DNAH6: variants seen among roughly 807,000 people sequenced by gnomAD.
DNAH6 encodes the protein axonemal beta dynein heavy chain 6.
A neutral mutation model predicts 491.4 loss-of-function variants in DNAH6; 340 were observed. That is an observed-to-expected ratio of 0.69 (90% CI 0.63 to 0.76). The LOEUF (loss-of-function observed/expected upper bound fraction) is 0.76. Ranked by LOEUF, DNAH6 falls within the 30% of genes least tolerant of loss-of-function variation. DNAH6 has a pLI of 0.00. For synonymous variants in DNAH6, 1,603 were observed against 1,686.1 expected, an observed-to-expected ratio of 0.95 and a Z score of 1.21; for missense variants, 4,443 against 4,972.2, an observed-to-expected ratio of 0.89 and a Z score of 3.20.
At chr2:84,631,195 A>T (rs1419525326) in intron 29 of DNAH6, among the ~76,000 whole-genome samples, 1 of 152,208 alleles carries the variant, frequency 6.6e-6, no homozygotes, top group Non-Finnish European at 1.5e-5. Flanking sequence ...CGATGCATCC[A>T]TTATGGAATG....
chr2:84,567,044 A>T lies in DNAH6; in HGVS notation c.1804-6423A>T, dbSNP rs538024899. Among the ~76,000 whole-genome samples the T allele has an allele frequency of 1.3e-4, 20 of 152,250 alleles. No homozygotes were observed. In the South Asian group the frequency reaches 3.7e-3, roughly 28 times the overall value. On this transcript the variant is annotated intron_variant, in intron 11 of 76. Transcript: ENST00000389394. The stretch of plus-strand genomic sequence containing the variant: ...GGACAAATTATTTTATGATTTGTTC[A>T]TAAAAAGGGTTATCTAACTATGACT...
chr2:84,626,897 C>T (rs772947180), intron 29 of DNAH6, among the ~76,000 whole-genome samples: 9 of 152,300 alleles, frequency 5.9e-5, no homozygotes, highest in Non-Finnish European at 1.0e-4. Context: ...TGAGCCACCG[C>T]GCCCGGCCAG....
At chr2:84,775,515 T>C (rs891555347) in intron 64 of DNAH6, among the ~76,000 whole-genome samples, 1 of 152,204 alleles carries the variant, frequency 6.6e-6, no homozygotes, top group South Asian at 2.1e-4. Flanking sequence ...AGGATGATGC[T>C]GACTTCACAG....
intron 4 of DNAH6, among the ~76,000 whole-genome samples, chr2:84,531,234 G>A (rs926212102): frequency 3.3e-5 from 5 of 152,094 alleles, no homozygotes; most frequent in African/African-American, 1.2e-4. Context: ...GGGTCACTTT[G>A]AATAGAATGG....
chr2:84,703,502 A>C lies in DNAH6; in HGVS notation c.8169A>C (p.Lys2723Asn). The C allele has an allele frequency of 6.4e-7, 1 of 1,551,616 alleles. No homozygotes were observed. Among genetic ancestry groups the C allele is most frequent in the African/African-American group, 1.4e-5 (1 of 73,174 alleles). Residue 2723 changes from lysine (K) to asparagine (N), a missense_variant, in exon 50 of 77, where the codon AAA (lysine) becomes AAC (asparagine). Transcript: ENST00000389394. ...CTTTAGAGCCTGTACTTTTAGCAAA[A>C]TCAGAAGATGTTGAAGCCCTGATGG... is the stretch of plus-strand genomic sequence containing the variant. ...LSALEPVLLA[K>N]SEDVEALMEK...
intron 2 of DNAH6, among the ~76,000 whole-genome samples, chr2:84,522,305 A>C (rs1333346959): frequency 2.6e-5 from 4 of 151,934 alleles, no homozygotes; most frequent in Non-Finnish European, 5.9e-5. Context: ...GAATGCTAGT[A>C]ATTTTGGTAC....
chr2:84,698,697 AG>A (rs1045169489), intron 47 of DNAH6, among the ~76,000 whole-genome samples: 39 of 152,370 alleles, frequency 2.6e-4, no homozygotes, highest in African/African-American at 9.4e-4. Flanking sequence ...ATATACCCAA[AG>A]GAAAATAAAT....
At chr2:84,732,748 C>T (rs893534048) in intron 61 of DNAH6, among the ~76,000 whole-genome samples, 5 of 152,186 alleles carry the variant, frequency 3.3e-5, no homozygotes, top group African/African-American at 4.8e-5. Context: ...AGATTATATA[C>T]TTCAAATGAA....
At chr2:84,524,656 G>A (rs563990034) in intron 2 of DNAH6, among the ~76,000 whole-genome samples, 1 of 152,092 alleles carries the variant, frequency 6.6e-6, no homozygotes, top group East Asian at 1.9e-4. Context: ...CTCAACATCT[G>A]CATATTTGTT....
Position 84,814,134 on chromosome 2 carries a change from C to G in DNAH6, c.12150+12C>G, listed in dbSNP as rs1234039768. ...CCATGGACATGGAGGTATTGTCCAC[C>G]TGGCTGTTATGGCAAAGCAGCTTCT... is the stretch of plus-strand genomic sequence containing the variant. On this transcript the variant is annotated intron_variant, in intron 75 of 76. Transcript: ENST00000389394. The G allele has an allele frequency of 6.5e-7, 1 of 1,549,694 alleles. No individual in the cohort carries two copies.
intron 33 of DNAH6, among the ~76,000 whole-genome samples, chr2:84,651,252 G>A (rs1214293512): frequency 6.6e-6 from 1 of 152,094 alleles, no homozygotes; most frequent in Non-Finnish European, 1.5e-5. Context: ...TCTTGGGTAG[G>A]GCTGGAAGTC....
the DNAH6 span, among the ~76,000 whole-genome samples, chr2:84,491,977 G>A: frequency 9.9e-5 from 15 of 152,208 alleles, no homozygotes; most frequent in African/African-American, 3.1e-4. Context: ...GTCAGATTCC[G>A]CCGAGAAGAT....
chr2:84,606,383 T>C (rs1685768324), intron 20 of DNAH6, among the ~76,000 whole-genome samples: 1 of 152,202 alleles, frequency 6.6e-6, no homozygotes, highest in Non-Finnish European at 1.5e-5. Context: ...AAAAAGCTTA[T>C]AATTGAAATG....
intron 21 of DNAH6, among the ~76,000 whole-genome samples, chr2:84,608,299 T>A (rs1685977187): frequency 6.6e-6 from 1 of 152,282 alleles, no homozygotes; most frequent in Non-Finnish European, 1.5e-5. Flanking sequence ...TTCAATGGCA[T>A]CTAGAATAAT....
Position 84,634,510 on chromosome 2 carries a change from G to T in DNAH6, c.4522G>T (p.Gly1508Trp). Residue 1508 changes from glycine (G) to tryptophan (W), a missense_variant, in exon 30 of 77, where the codon GGG becomes TGG. By Grantham distance (184) the Gly-to-Trp change is radical. Around this residue, in one of 3 missense-constraint regions of DNAH6, gnomAD observed 2,977 missense variants for 3,296.6 expected, o/e 0.90. Coordinates refer to ENST00000389394, the MANE Select transcript of DNAH6 (RefSeq NM_001370.2). ...CSDGLDYKMMGRFFSGLAQSG... is the reference protein window; with the variant it reads ...CSDGLDYKMMWRFFSGLAQSG... ...TGCTTTATTTTGATTTCAGATGATG[G>T]GGCGCTTCTTCAGTGGCTTGGCACA... is the stretch of plus-strand genomic sequence containing the variant. 1 of 1,538,566 alleles carries T rather than the reference G, an allele frequency of 6.5e-7. No homozygotes were observed. The highest frequency in any genetic ancestry group is 8.8e-7 in the Non-Finnish European group (1 of 1,142,416).
At chr2:84,663,188 T>C (rs1691707027) in intron 37 of DNAH6, among the ~76,000 whole-genome samples, 2 of 152,264 alleles carry the variant, frequency 1.3e-5, no homozygotes, top group South Asian at 4.1e-4. Flanking sequence ...CCTCTTCTCC[T>C]CCAAAGGAAC....
intron 70 of DNAH6, among the ~76,000 whole-genome samples, chr2:84,799,718 A>C (rs1293615799): frequency 6.6e-6 from 1 of 152,234 alleles, no homozygotes; most frequent in East Asian, 1.9e-4. Context: ...ACCCCTAAGA[A>C]AGGAGGGAGC....
chr2:84,570,500 GC>G (rs2103915306), intron 11 of DNAH6, among the ~76,000 whole-genome samples: 1 of 152,292 alleles, frequency 6.6e-6, no homozygotes, highest in South Asian at 2.1e-4. Context: ...TCTGTGTCTA[GC>G]TAACGGATTA....
At chr2:84,617,730 A>G (rs1478349549) in intron 23 of DNAH6, among the ~76,000 whole-genome samples, 1 of 152,036 alleles carries the variant, frequency 6.6e-6, no homozygotes, top group African/African-American at 2.4e-5. Flanking sequence ...ACATGTGTGT[A>G]AAAAGTTAAG....
Sources: allele counts gnomAD v4.1 joint callset (sites outside exome capture counted in the v4.1 genomes callset), GRCh38; gene constraint gnomAD v4.1.1; regional missense constraint gnomAD v4.1.1; transcripts MANE v1.5; gene names NCBI Gene and HGNC (gene_info 2026-07-23, HGNC 2026-07-21).